Variants in INPP4B observed in about 807,000 individuals in gnomAD.
The protein encoded by INPP4B is inositol polyphosphate-4-phosphatase type II B.
INPP4B carries 55 observed loss-of-function variants against 122.5 expected under a neutral mutation model. The observed-to-expected ratio is 0.45, with a 90% CI of 0.36 to 0.56. The LOEUF (loss-of-function observed/expected upper bound fraction) is 0.56, where lower values mean the gene tolerates loss of function less well. Among genes scored for constraint, INPP4B ranks in the 20% least tolerant of loss-of-function variants. INPP4B has a pLI of 0.00. For synonymous variants in INPP4B, 403 were observed against 388.7 expected (o/e 1.04, Z -0.43); for missense variants, 1,000 against 1,097.7 (o/e 0.91, Z 1.26).
chr4:142,724,436 T>C (rs1026888339), intron 2 of INPP4B, among the ~76,000 whole-genome samples: 2 of 152,102 alleles, frequency 1.3e-5, no homozygotes, highest in Non-Finnish European at 2.9e-5. Flanking sequence ...TCCATTGAGT[T>C]GCCTTCAACA....
At chr4:142,040,450 T>C (rs1912715) in intron 25 of INPP4B, among the ~76,000 whole-genome samples, 15,600 of 152,222 alleles carry the variant, frequency 0.1, 1,450 homozygotes, top group African/African-American at 0.25. Flanking sequence ...GGAAGACTTG[T>C]GGCTGGAGGA....
At chr4:142,619,986 T>G (rs148662006) in intron 2 of INPP4B, among the ~76,000 whole-genome samples, 5 of 151,968 alleles carry the variant, frequency 3.3e-5, no homozygotes, top group Non-Finnish European at 5.9e-5. Flanking sequence ...TAACCTCGTT[T>G]TTTAAAGATG....
chr4:142,305,554 G>T lies in INPP4B; in HGVS notation c.424-17C>A. The T allele has an allele frequency of 1.2e-6, 2 of 1,604,432 alleles. No homozygotes were observed. Among genetic ancestry groups the T allele is most frequent in the African/African-American group, 1.3e-5 (1 of 74,602 alleles). Reference sequence around the variant, plus strand: ...GAAACTTCGCTGAAAATAACAGAAAGAATGGTTTCATTAACTTGAGGTTCT... The same window carrying T: ...GAAACTTCGCTGAAAATAACAGAAATAATGGTTTCATTAACTTGAGGTTCT... On this transcript the variant is annotated splice_polypyrimidine_tract_variant and intron_variant, in intron 8 of 25. Coordinates refer to ENST00000262992, the MANE Select transcript of INPP4B (RefSeq NM_001101669.3).
intron 17 of INPP4B, among the ~76,000 whole-genome samples, chr4:142,156,548 G>T (rs1817298425): frequency 6.6e-6 from 1 of 152,068 alleles, no homozygotes; most frequent in South Asian, 2.1e-4. Context: ...TTCCTTTGGG[G>T]TTTAATTGTT....
At position 142,023,419 on chromosome 4, in the gene INPP4B, A is replaced by G. The variant is rs1181108118; in HGVS notation, c.*5363T>C. 1.3e-5 allele frequency: 2 copies of G among 152,248 alleles called. No homozygotes were observed. The highest frequency in any genetic ancestry group is 6.5e-5 in the Admixed American group (1 of 15,276). The allele number at this position is 152,248 out of a possible 1,614,324, so 9.4% of individuals were successfully genotyped here. A position where few individuals can be genotyped will look rare whatever the true frequency, so the allele number is the denominator to read the frequency against. On this transcript the variant is annotated 3_prime_UTR_variant, in exon 26 of 26. Transcript: ENST00000262992. ...GTTAAATGTTAGATTAAATAAAATT[A>G]TAAAATATCCACACGAGAAGTATGT...
intron 2 of INPP4B, among the ~76,000 whole-genome samples, chr4:142,592,539 A>G (rs2150253153): frequency 6.6e-6 from 1 of 152,342 alleles, no homozygotes. Context: ...ATCATTCAAT[A>G]AACACATTTA....
At chr4:142,460,791 T>C (rs1298975355) in intron 3 of INPP4B, among the ~76,000 whole-genome samples, 1 of 152,148 alleles carries the variant, frequency 6.6e-6, no homozygotes, top group South Asian at 2.1e-4. Flanking sequence ...GCAACACATA[T>C]GCTGAAAACT....
At chr4:142,376,246 T>C (rs1791803969) in intron 7 of INPP4B, among the ~76,000 whole-genome samples, 2 of 152,030 alleles carry the variant, frequency 1.3e-5, no homozygotes, top group South Asian at 4.1e-4. Context: ...TATATAGTTC[T>C]TCTTCCCACC....
intron 21 of INPP4B, among the ~76,000 whole-genome samples, chr4:142,117,521 T>A (rs1794232844): frequency 6.6e-6 from 1 of 152,098 alleles, no homozygotes; most frequent in Admixed American, 6.6e-5. Context: ...TGCAAATCAA[T>A]AAACATAATC....
chr4:142,478,184 A>G (rs1275202046), intron 2 of INPP4B, among the ~76,000 whole-genome samples: 1 of 152,166 alleles, frequency 6.6e-6, no homozygotes, highest in African/African-American at 2.4e-5. Context: ...TTGGGCAGAG[A>G]CTGAAGTTTT....
chr4:142,178,833 TAAA>T (rs3049049), intron 15 of INPP4B, among the ~76,000 whole-genome samples: 54 of 140,528 alleles, frequency 3.8e-4, no homozygotes, highest in African/African-American at 7.8e-4. Context: ...ACCCTACTTG[TAAA>T]AAAAAAAAAA....
intron 2 of INPP4B, among the ~76,000 whole-genome samples, chr4:142,635,027 CCATTCAAAAGTGGGCAAAGGA>C (rs1245028862): frequency 6.6e-6 from 1 of 151,932 alleles, no homozygotes; most frequent in East Asian, 1.9e-4. Context: ...AAAAACAACC[CCATTCAAAAGTGGGCAAAGGA>C]CATGAACAGA....
At chr4:142,309,251 T>C (rs896640177) in intron 8 of INPP4B, among the ~76,000 whole-genome samples, 2 of 152,124 alleles carry the variant, frequency 1.3e-5, no homozygotes, top group Non-Finnish European at 2.9e-5. Flanking sequence ...CAAAGTATTT[T>C]TTAAAAAGTC....
intron 2 of INPP4B, among the ~76,000 whole-genome samples, chr4:142,704,798 C>T (rs1376012868): frequency 2.0e-5 from 3 of 152,192 alleles, no homozygotes; most frequent in Non-Finnish European, 4.4e-5. Context: ...CTGATAGTCA[C>T]TGCATTTATT....
intron 25 of INPP4B, among the ~76,000 whole-genome samples, chr4:142,074,244 A>C (rs901709656): frequency 6.6e-6 from 1 of 152,172 alleles, no homozygotes; most frequent in African/African-American, 2.4e-5. Flanking sequence ...AATTATGTGC[A>C]AAACTCCATT....
intron 2 of INPP4B, among the ~76,000 whole-genome samples, chr4:142,654,348 T>C (rs1256244009): frequency 8.1e-6 from 1 of 124,182 alleles, no homozygotes; most frequent in Non-Finnish European, 1.6e-5. Context: ...TGTGCACTTG[T>C]ACCCTAGAAC....
At chr4:142,511,084 T>C (rs908666187) in intron 2 of INPP4B, among the ~76,000 whole-genome samples, 1 of 152,188 alleles carries the variant, frequency 6.6e-6, no homozygotes, top group African/African-American at 2.4e-5. Context: ...TTTTCAAATT[T>C]CTTTTTCTCT....
chr4:142,616,778 C>G (rs200452266), intron 2 of INPP4B, among the ~76,000 whole-genome samples: 1 of 152,074 alleles, frequency 6.6e-6, no homozygotes, highest in East Asian at 1.9e-4. Context: ...GAAATCTTGT[C>G]TTTTACAGCA....
At chr4:142,800,727 T>A (rs1388215157) in intron 1 of INPP4B, among the ~76,000 whole-genome samples, 2 of 152,188 alleles carry the variant, frequency 1.3e-5, no homozygotes, top group Non-Finnish European at 2.9e-5. Context: ...TTTCAGGGAT[T>A]TATGTTAATT....
Sources: gnomAD v4.1 joint callset for allele counts (sites outside exome capture counted in the v4.1 genomes callset) on GRCh38, gnomAD v4.1.1 for gene constraint, MANE v1.5 for transcripts, NCBI Gene and HGNC (gene_info 2026-07-23, HGNC 2026-07-21) for gene names.